ZNF675: variants seen among roughly 807,000 people sequenced by gnomAD.
The protein encoded by ZNF675 is zinc finger protein 675.
ZNF675 carries 36 observed loss-of-function variants against 56.1 expected under a neutral mutation model. The observed-to-expected ratio is 0.64, with a 90% CI of 0.49 to 0.85. ZNF675 has a LOEUF of 0.85. ZNF675 is among the 40% of genes least tolerant of loss of function. The probability of loss-of-function intolerance (pLI) is 0.00; values close to 1 mark genes in which losing one functional copy is unlikely to be tolerated. For synonymous variants in ZNF675, 200 were observed against 218.9 expected, an observed-to-expected ratio of 0.91 and a Z score of 0.76; for missense variants, 663 against 654.2, an observed-to-expected ratio of 1.01 and a Z score of -0.15.
intron 1 of ZNF675, among the ~76,000 whole-genome samples, chr19:23,673,402 A>G (rs1001686660): frequency 6.6e-6 from 1 of 152,248 alleles, no homozygotes; most frequent in Admixed American, 6.5e-5. Flanking sequence ...TGAAAGAGGT[A>G]AAATGGCTGA....
At chr19:23,677,089 A>C (rs55927898) in intron 1 of ZNF675, among the ~76,000 whole-genome samples, 1 of 140,794 alleles carries the variant, frequency 7.1e-6, no homozygotes, top group African/African-American at 2.7e-5. Flanking sequence ...AAAAAAAAAA[A>C]AGAGAAAAGA....
intron 1 of ZNF675, among the ~76,000 whole-genome samples, chr19:23,679,196 TA>T (rs1358653603): frequency 4.2e-5 from 6 of 142,588 alleles, no homozygotes; most frequent in Non-Finnish European, 7.6e-5. Context: ...GAACAAAAAT[TA>T]AATGTAAATA....
intron 1 of ZNF675, among the ~76,000 whole-genome samples, chr19:23,682,361 T>C (rs112920963): frequency 3.3e-5 from 5 of 151,908 alleles, no homozygotes; most frequent in African/African-American, 9.7e-5. Flanking sequence ...TTTGCAATAA[T>C]AGTTGGTACT....
chr19:23,667,049 C>T (rs1032744527), intron 1 of ZNF675, among the ~76,000 whole-genome samples: 3 of 151,908 alleles, frequency 2.0e-5, no homozygotes, highest in African/African-American at 7.3e-5. Context: ...CTTAAGGTGG[C>T]GCGTCTGGAG....
At chr19:23,686,532 G>A (rs1968444855) in intron 1 of ZNF675, among the ~76,000 whole-genome samples, 1 of 151,946 alleles carries the variant, frequency 6.6e-6, no homozygotes, top group South Asian at 2.1e-4. Context: ...CACCATGTTG[G>A]TCAGGCTGGT....
At chr19:23,679,366 AC>A (rs1377587096) in intron 1 of ZNF675, among the ~76,000 whole-genome samples, 1 of 151,574 alleles carries the variant, frequency 6.6e-6, no homozygotes, top group Non-Finnish European at 1.5e-5. Context: ...TCCCTTCCTT[AC>A]AACATATACA....
intron 3 of ZNF675, 109 bp from the exon 4 acceptor site, chr19:23,654,815 CA>C (rs1967960461): frequency 1.1e-6 from 1 of 883,448 alleles, no homozygotes; most frequent in Non-Finnish European, 1.6e-6. Context: ...CACCACAGGC[CA>C]TAATTAAGTG....
At chr19:23,678,652 C>T (rs1568295779) in intron 1 of ZNF675, among the ~76,000 whole-genome samples, 2 of 148,036 alleles carry the variant, frequency 1.4e-5, no homozygotes, top group Non-Finnish European at 2.9e-5. Context: ...AATAACAAAG[C>T]TGGAGGCATT....
chr19:23,666,045 G>A (rs555750421), intron 1 of ZNF675, among the ~76,000 whole-genome samples: 2 of 152,228 alleles, frequency 1.3e-5, no homozygotes, highest in African/African-American at 2.4e-5. Flanking sequence ...AGGTACACAT[G>A]TACTAATGAG....
chr19:23,660,435 A>G (rs1163256019), intron 3 of ZNF675, among the ~76,000 whole-genome samples: 1 of 152,226 alleles, frequency 6.6e-6, no homozygotes, highest in Non-Finnish European at 1.5e-5. Flanking sequence ...ACACATAAGT[A>G]AAAAGTTGCT....
At chr19:23,682,055 A>T (rs1968383913) in intron 1 of ZNF675, among the ~76,000 whole-genome samples, 1 of 151,820 alleles carries the variant, frequency 6.6e-6, no homozygotes. Context: ...AGCCAGACAT[A>T]GACTCTGCAT....
chr19:23,672,444 G>A (rs1376892016), intron 1 of ZNF675, among the ~76,000 whole-genome samples: 1 of 152,112 alleles, frequency 6.6e-6, no homozygotes, highest in African/African-American at 2.4e-5. Flanking sequence ...GATCTGAGAA[G>A]TTCAAAAACC....
intron 3 of ZNF675, among the ~76,000 whole-genome samples, chr19:23,658,084 A>C (rs1406329477): frequency 6.6e-6 from 1 of 152,176 alleles, no homozygotes; most frequent in Non-Finnish European, 1.5e-5. Flanking sequence ...TGTCTAGGCC[A>C]GATGCAGTGG....
intron 1 of ZNF675, among the ~76,000 whole-genome samples, chr19:23,668,953 G>A (rs1455264503): frequency 6.6e-6 from 1 of 152,168 alleles, no homozygotes; most frequent in Non-Finnish European, 1.5e-5. Flanking sequence ...TCCGGCCTTG[G>A]CCAGCCCAGA....
At chr19:23,654,805 C>T in intron 3 of ZNF675, 99 bp from the exon 4 acceptor site, 4 of 970,630 alleles carry the variant, frequency 4.1e-6, no homozygotes, top group Non-Finnish European at 5.8e-6. Context: ...AGCAAGATGG[C>T]ACCACAGGCC....
intron 1 of ZNF675, among the ~76,000 whole-genome samples, chr19:23,684,431 G>A (rs1445685436): frequency 6.6e-6 from 1 of 151,974 alleles, no homozygotes; most frequent in East Asian, 1.9e-4. Flanking sequence ...GATCACCTGA[G>A]GTCGGGAGTT....
At chr19:23,669,677 G>A (rs967165163) in intron 1 of ZNF675, among the ~76,000 whole-genome samples, 4 of 152,130 alleles carry the variant, frequency 2.6e-5, no homozygotes, top group African/African-American at 9.6e-5. Context: ...TTCGAGACCT[G>A]CCTGACCAAC....
At chr19:23,657,871 T>C (rs1253224313) in intron 3 of ZNF675, among the ~76,000 whole-genome samples, 3 of 152,078 alleles carry the variant, frequency 2.0e-5, no homozygotes, top group African/African-American at 2.4e-5. Context: ...CTGATTGGGA[T>C]AGATATGTGG....
intron 1 of ZNF675, among the ~76,000 whole-genome samples, chr19:23,665,049 T>C (rs1225136246): frequency 6.6e-6 from 1 of 151,102 alleles, no homozygotes; most frequent in Non-Finnish European, 1.5e-5. Context: ...CATGTAATCT[T>C]AATTAGAAAC....
Sources: allele counts gnomAD v4.1 joint callset (sites outside exome capture counted in the v4.1 genomes callset), GRCh38; gene constraint gnomAD v4.1.1; transcripts MANE v1.5; gene names NCBI Gene and HGNC (gene_info 2026-07-23, HGNC 2026-07-21).